Variants in LRMDA observed in about 807,000 individuals in gnomAD.
The protein encoded by LRMDA is leucine-rich melanocyte differentiation-associated protein.
A neutral mutation model predicts 29.8 loss-of-function variants in LRMDA; 18 were observed. The observed-to-expected ratio is 0.60, with a 90% CI of 0.42 to 0.90. LRMDA has a LOEUF of 0.90. Among genes scored for constraint, LRMDA ranks in the 40% least tolerant of loss-of-function variants. The pLI, the probability that LRMDA is intolerant of heterozygous loss-of-function variation, is 0.00. For synonymous variants in LRMDA, 125 were observed against 109.4 expected, an observed-to-expected ratio of 1.14 and a Z score of -0.89; for missense variants, 273 against 273.9, an observed-to-expected ratio of 1.00 and a Z score of 0.02.
intron 2 of LRMDA, among the ~76,000 whole-genome samples, chr10:75,808,347 G>C (rs1415648045): frequency 1.3e-5 from 2 of 152,206 alleles, no homozygotes; most frequent in African/African-American, 2.4e-5. Context: ...GGAGGGCAGG[G>C]CGTGCGTCTC....
rs192715156 is a variant in LRMDA at position 76,535,527 on chromosome 10, T to C, written c.602-21682T>C. Among the ~76,000 whole-genome samples the C allele has an allele frequency of 7.7e-4, 118 of 152,272 alleles. 1 individual carries two copies. The highest frequency in any genetic ancestry group is 1.5e-3 in the Non-Finnish European group (100 of 68,024). On this transcript the variant is annotated intron_variant, in intron 6 of 6. Coordinates refer to ENST00000611255, the MANE Select transcript of LRMDA (RefSeq NM_001305581.2). ...GCCCATTATACAGATTAATAAAAAT[T>C]GATAGAGACTTGAAAACTGCTCATG...
At chr10:76,365,387 T>C (rs879332724) in intron 6 of LRMDA, among the ~76,000 whole-genome samples, 7 of 152,100 alleles carry the variant, frequency 4.6e-5, no homozygotes, top group Non-Finnish European at 7.4e-5. Context: ...TGTTCCCTGT[T>C]CACTGCATCC....
chr10:76,370,793 A>G (rs958553495), intron 6 of LRMDA, among the ~76,000 whole-genome samples: 1 of 152,168 alleles, frequency 6.6e-6, no homozygotes, highest in African/African-American at 2.4e-5. Context: ...CACCAAATGT[A>G]TATCATTTTT....
chr10:75,745,999 T>TA (rs1564556403), intron 2 of LRMDA, among the ~76,000 whole-genome samples: 1 of 152,236 alleles, frequency 6.6e-6, no homozygotes, highest in Non-Finnish European at 1.5e-5. Flanking sequence ...GGCTTCTCAC[T>TA]AGAAATGTTA....
chr10:75,897,492 C>T (rs1702827108), intron 2 of LRMDA, among the ~76,000 whole-genome samples: 1 of 152,146 alleles, frequency 6.6e-6, no homozygotes, highest in Non-Finnish European at 1.5e-5. Flanking sequence ...CTGGAGAATG[C>T]CTGCTAGACC....
intron 5 of LRMDA, among the ~76,000 whole-genome samples, chr10:76,111,167 C>A (rs542173375): frequency 2.0e-5 from 3 of 152,224 alleles, no homozygotes; most frequent in Non-Finnish European, 4.4e-5. Context: ...CAGACCAGAT[C>A]CTGCTATTTT....
chr10:76,408,227 A>G (rs1166016431), intron 6 of LRMDA, among the ~76,000 whole-genome samples: 1 of 152,196 alleles, frequency 6.6e-6, no homozygotes, highest in Admixed American at 6.5e-5. Flanking sequence ...TGAGGACACC[A>G]GCGCACAACT....
At chr10:75,807,804 G>A (rs992777181) in intron 2 of LRMDA, among the ~76,000 whole-genome samples, 4 of 152,158 alleles carry the variant, frequency 2.6e-5, no homozygotes, top group African/African-American at 9.7e-5. Flanking sequence ...ATTCTAAATA[G>A]GGAGTGTGTA....
chr10:75,887,027 G>A (rs1466242749), intron 2 of LRMDA, among the ~76,000 whole-genome samples: 1 of 152,020 alleles, frequency 6.6e-6, no homozygotes, highest in Non-Finnish European at 1.5e-5. Flanking sequence ...GACCTAGAAT[G>A]GACAGATTTT....
intron 2 of LRMDA, among the ~76,000 whole-genome samples, chr10:75,875,770 A>G (rs972346834): frequency 6.6e-6 from 1 of 152,216 alleles, no homozygotes. Flanking sequence ...GTCTAATTGG[A>G]TAGTAGTGAT....
At chr10:76,444,384 G>A (rs960328664) in intron 6 of LRMDA, among the ~76,000 whole-genome samples, 1 of 152,212 alleles carries the variant, frequency 6.6e-6, no homozygotes, top group Non-Finnish European at 1.5e-5. Context: ...GTAGAAGTGA[G>A]TAATGAGAGC....
chr10:76,282,211 A>G (rs1300535322), intron 5 of LRMDA, among the ~76,000 whole-genome samples: 2 of 152,234 alleles, frequency 1.3e-5, no homozygotes, highest in Non-Finnish European at 2.9e-5. Flanking sequence ...CCTGCAGTAT[A>G]TTCAGTAACT....
At position 75,841,885 on chromosome 10, in the gene LRMDA, A is replaced by G. The variant is rs112558124; in HGVS notation, c.132-194123A>G. Among the ~76,000 whole-genome samples the G allele has an allele frequency of 1.4e-3, 209 of 152,310 alleles. No homozygotes were observed. In the Middle Eastern group the frequency reaches 0.054, roughly 40 times the overall value. On this transcript the variant is annotated intron_variant, in intron 2 of 6. Coordinates refer to ENST00000611255, the MANE Select transcript of LRMDA (RefSeq NM_001305581.2). ...TTGTCACAGCTTAGATGGCTGTAGT[A>G]CAACTAGCCCTGGGTTTGGAGGCTT...
Position 75,958,817 on chromosome 10 carries a change from C to G in LRMDA, c.132-77191C>G, listed in dbSNP as rs138775254. Among the ~76,000 whole-genome samples, 1,275 of 152,210 alleles carry G rather than the reference C, an allele frequency of 8.4e-3. 20 individuals carry two copies. The highest frequency in any genetic ancestry group is 0.03 in the African/African-American group (1,228 of 41,520). ...TTAATGGACTCACAGTTCCACATGGCTGGGGAGGCCTCACAATCGTGGCAG... is the reference window on the plus strand; with the variant it reads ...TTAATGGACTCACAGTTCCACATGGGTGGGGAGGCCTCACAATCGTGGCAG... On this transcript the variant is annotated intron_variant, in intron 2 of 6. Transcript: ENST00000611255.
At chr10:75,779,874 G>C (rs955124120) in intron 2 of LRMDA, among the ~76,000 whole-genome samples, 1 of 152,158 alleles carries the variant, frequency 6.6e-6, no homozygotes, top group Admixed American at 6.5e-5. Context: ...AGTGTGACCT[G>C]ATTTGGAAAT....
chr10:75,767,877 G>GA (rs1209645427), intron 2 of LRMDA, among the ~76,000 whole-genome samples: 1 of 152,198 alleles, frequency 6.6e-6, no homozygotes, highest in Non-Finnish European at 1.5e-5. Flanking sequence ...ATCCTTCTGA[G>GA]AGAGGCAGAG....
intron 2 of LRMDA, among the ~76,000 whole-genome samples, chr10:75,883,918 T>G (rs1845334938): frequency 6.6e-6 from 1 of 151,620 alleles, no homozygotes; most frequent in Non-Finnish European, 1.5e-5. Context: ...AAAAGAAAAA[T>G]TCTCACTGTA....
intron 2 of LRMDA, among the ~76,000 whole-genome samples, chr10:75,590,994 G>A (rs576140402): frequency 2.8e-4 from 42 of 151,906 alleles, no homozygotes; most frequent in African/African-American, 7.7e-4. Flanking sequence ...TGCCCACCTC[G>A]GCCTCTCAAA....
chr10:76,331,400 T>C lies in LRMDA; in HGVS notation c.601+6915T>C, dbSNP rs867373286. On this transcript the variant is annotated intron_variant, in intron 6 of 6. Transcript: ENST00000611255. ...GCCTGCTTATATATTGCCTTCTGCCTTCCAGAATATTTTTATTAGTCTTTC... is the reference window on the plus strand; with the variant it reads ...GCCTGCTTATATATTGCCTTCTGCCCTCCAGAATATTTTTATTAGTCTTTC... 2.0e-4 allele frequency among the ~76,000 whole-genome samples: 31 copies of C among 152,326 alleles called. 1 individual carries two copies. The highest frequency in any genetic ancestry group is 3.4e-3 in the Middle Eastern group (1 of 294).
Sources: gnomAD v4.1 joint callset for allele counts (sites outside exome capture counted in the v4.1 genomes callset) on GRCh38, gnomAD v4.1.1 for gene constraint, MANE v1.5 for transcripts, NCBI Gene and HGNC (gene_info 2026-07-23, HGNC 2026-07-21) for gene names.